The following DOCK5 variants were observed in gnomAD, a reference collection of about 807,000 sequenced individuals.
The protein encoded by DOCK5 is dedicator of cytokinesis protein 5.
Under a neutral mutation model 251.8 loss-of-function variants are expected in DOCK5, and 142 were observed. The ratio of observed to expected loss-of-function variants is 0.56; its 90% CI spans 0.49 to 0.65. DOCK5 has a LOEUF of 0.65. Ranked by LOEUF, DOCK5 falls within the 30% of genes least tolerant of loss-of-function variation. The pLI is 0.00. For synonymous variants in DOCK5, 842 were observed against 835.5 expected (o/e 1.01, Z -0.13); for missense variants, 2,111 against 2,312.3 (o/e 0.91, Z 1.79).
intron 34 of DOCK5, among the ~76,000 whole-genome samples, chr8:25,370,310 G>A (rs1413985245): frequency 6.6e-6 from 1 of 152,222 alleles, no homozygotes; most frequent in Admixed American, 6.5e-5. Flanking sequence ...CACATATTAA[G>A]AGTTTGGCTT....
intron 2 of DOCK5, 115 bp from the exon 3 acceptor site, chr8:25,268,730 T>C: frequency 1.2e-6 from 1 of 817,102 alleles, no homozygotes; most frequent in South Asian, 1.7e-5. Context: ...GTTAATTGTC[T>C]CTGTCAACTG....
At chr8:25,250,990 A>G (rs755023042) in intron 2 of DOCK5, among the ~76,000 whole-genome samples, 9 of 152,182 alleles carry the variant, frequency 5.9e-5, no homozygotes, top group Non-Finnish European at 1.2e-4. Flanking sequence ...AAAAGTGCAT[A>G]GTACCTTGTA....
chr8:25,316,965 A>G, intron 13 of DOCK5, 42 bp from the exon 14 acceptor site: 1 of 1,607,166 alleles, frequency 6.2e-7, no homozygotes, highest in Non-Finnish European at 8.5e-7. Flanking sequence ...ACTTAGAATG[A>G]CTTCTCTCAG....
At chr8:25,300,767 A>C (rs1804741438) in intron 9 of DOCK5, 110 bp downstream of exon 9, 1 of 1,196,668 alleles carries the variant, frequency 8.4e-7, no homozygotes, top group African/African-American at 1.5e-5. Context: ...AAAAATCATC[A>C]ATCTGCCTAG....
chr8:25,286,282 T>C (rs558716006), intron 5 of DOCK5, among the ~76,000 whole-genome samples: 4 of 152,030 alleles, frequency 2.6e-5, no homozygotes, highest in Admixed American at 2.6e-4. Context: ...GCCAACTGAG[T>C]GTGCAAGCAA....
At chr8:25,307,162 C>T (rs1307176521) in intron 11 of DOCK5, among the ~76,000 whole-genome samples, 1 of 151,906 alleles carries the variant, frequency 6.6e-6, no homozygotes, top group Non-Finnish European at 1.5e-5. Context: ...TCTTGTTGCC[C>T]AGGCTGGAAT....
chr8:25,220,380 T>C (rs1802353192), intron 1 of DOCK5, among the ~76,000 whole-genome samples: 1 of 152,182 alleles, frequency 6.6e-6, no homozygotes, highest in Non-Finnish European at 1.5e-5. Context: ...TTTTGTTCTC[T>C]TTCTCTCTAA....
chr8:25,373,585 T>C, intron 35 of DOCK5, 33 bp from the exon 36 acceptor site: 2 of 1,559,884 alleles, frequency 1.3e-6, no homozygotes, highest in Non-Finnish European at 1.7e-6. Flanking sequence ...TTGATTTATG[T>C]TGGGATTCTG....
At chr8:25,303,825 G>A (rs532501711) in intron 10 of DOCK5, among the ~76,000 whole-genome samples, 6 of 152,290 alleles carry the variant, frequency 3.9e-5, no homozygotes, top group African/African-American at 9.6e-5. Context: ...TTAGCCAAGC[G>A]TGGTGGCATG....
intron 47 of DOCK5, 108 bp downstream of exon 47, chr8:25,401,174 C>A: frequency 6.8e-7 from 1 of 1,462,878 alleles, no homozygotes; most frequent in Non-Finnish European, 9.4e-7. Context: ...TTAGCTATGG[C>A]ATGGAAATAG....
chr8:25,375,154 T>G, intron 37 of DOCK5: 70 of 274,090 alleles, frequency 2.6e-4, no homozygotes, highest in Non-Finnish European at 3.6e-4. Flanking sequence ...GATTGGCCAA[T>G]ATGCAGCTCA....
At position 25,340,965 on chromosome 8, in the gene DOCK5, C is replaced by T. The variant is rs754593402; in HGVS notation, c.2416C>T (p.Leu806=). The change falls in exon 23 of 52, where the codon CTG becomes TTG. Residue 806 remains leucine (L), a synonymous_variant. Transcript: ENST00000276440. ...TTTCAATATGCTGATGGACAGGCCT[C>T]TGGAGGAAGCCGTCAAGATCAAGGT... ...LAFNMLMDRP[L]EEAVKIKGAA... is the part of the protein sequence containing the mutation. 1.2e-6 allele frequency: 2 copies of T among 1,612,544 alleles called. No homozygotes were observed. Among genetic ancestry groups the T allele is most frequent in the East Asian group, 4.5e-5 (2 of 44,876 alleles).
At chr8:25,300,877 C>T (rs1804743955) in intron 9 of DOCK5, among the ~76,000 whole-genome samples, 2 of 151,900 alleles carry the variant, frequency 1.3e-5, no homozygotes, top group African/African-American at 2.4e-5. Context: ...AAAAAAGCAG[C>T]TTTTGTCCTG....
intron 34 of DOCK5, among the ~76,000 whole-genome samples, chr8:25,370,185 C>T (rs1049782375): frequency 6.6e-6 from 1 of 152,198 alleles, no homozygotes; most frequent in African/African-American, 2.4e-5. Flanking sequence ...ACCACACTCA[C>T]CTATAACCCT....
chr8:25,317,872 G>A (rs1347869139), intron 14 of DOCK5, among the ~76,000 whole-genome samples: 2 of 151,910 alleles, frequency 1.3e-5, no homozygotes, highest in African/African-American at 4.8e-5. Flanking sequence ...TGGCCTCCCA[G>A]AGTGCTGGGA....
At chr8:25,227,986 G>C (rs1020596365) in intron 1 of DOCK5, among the ~76,000 whole-genome samples, 2 of 152,102 alleles carry the variant, frequency 1.3e-5, no homozygotes, top group African/African-American at 2.4e-5. Context: ...CCAGGCTCCA[G>C]TGATCCTCCC....
At chr8:25,265,559 A>G (rs1261151794) in intron 2 of DOCK5, among the ~76,000 whole-genome samples, 1 of 151,710 alleles carries the variant, frequency 6.6e-6, no homozygotes, top group Non-Finnish European at 1.5e-5. Context: ...CTGCCATATT[A>G]CTTTTCTTGA....
intron 2 of DOCK5, among the ~76,000 whole-genome samples, chr8:25,254,799 A>G (rs1252895593): frequency 6.8e-6 from 1 of 147,820 alleles, no homozygotes; most frequent in Non-Finnish European, 1.5e-5. Flanking sequence ...AAAACAAAAA[A>G]AAAAAACATT....
At chr8:25,230,800 A>C (rs1802648991) in intron 1 of DOCK5, among the ~76,000 whole-genome samples, 1 of 152,154 alleles carries the variant, frequency 6.6e-6, no homozygotes, top group Non-Finnish European at 1.5e-5. Context: ...GCAGTGAGCC[A>C]AGATGGTGCC....
Sources: gnomAD v4.1 joint callset for allele counts (sites outside exome capture counted in the v4.1 genomes callset) on GRCh38, gnomAD v4.1.1 for gene constraint, MANE v1.5 for transcripts, NCBI Gene and HGNC (gene_info 2026-07-23, HGNC 2026-07-21) for gene names.